HTATSF1: variants seen among roughly 807,000 people sequenced by gnomAD.
HTATSF1 encodes 17S U2 SnRNP complex component HTATSF1.
In HTATSF1, 6 loss-of-function variants were observed where a neutral mutation model predicts 46.1. The ratio of observed to expected loss-of-function variants is 0.13; its 90% CI spans 0.07 to 0.26. The LOEUF is 0.26. Ranked by LOEUF, HTATSF1 falls within the 10% of genes least tolerant of loss-of-function variation. The pLI is 1.00. For synonymous variants in HTATSF1, 226 were observed against 211.5 expected (o/e 1.07, Z -0.60); for missense variants, 452 against 559.9 (o/e 0.81, Z 1.94).
At position 136,509,130 on chromosome X, in the gene HTATSF1, C is replaced by G; in HGVS notation, c.874C>G (p.Arg292Gly). The change falls in exon 7 of 9, where the codon CGA becomes GGA. Residue 292 changes from arginine to glycine, a missense_variant. By Grantham distance (125) the Arg-to-Gly change is moderately radical (BLOSUM62 -2). This residue lies in a region of HTATSF1 where 117 missense variants were observed against 222.2 expected (regional missense o/e 0.53). Transcript: ENST00000218364. Reference protein sequence around the residue: ...LVLNEIREDLRVECSKFGQIR... With the variant: ...LVLNEIREDLGVECSKFGQIR... ...GCTGAATGAGATCAGAGAAGACCTT[C>G]GAGTAGAGTGTTCGAAGTTTGGACA... 1 of 1,208,496 alleles carries G rather than the reference C, an allele frequency of 8.3e-7. No homozygotes were observed. The highest frequency in any genetic ancestry group is 1.1e-6 in the Non-Finnish European group (1 of 892,741).
rs2075768211 is a variant in HTATSF1 at position 136,511,547 on chromosome X, A to C, written c.1802A>C (p.Glu601Ala). Reference protein sequence around the residue: ...ELEENDSENSEFEDDGSEKVL... With the variant: ...ELEENDSENSAFEDDGSEKVL... ...GAAGAAAATGACTCTGAAAACTCCG[A>C]ATTTGAAGATGACGGCTCTGAAAAA... Residue 601 changes from glutamate (E) to alanine (A), a missense_variant, in exon 9 of 9, where the codon GAA (glutamate) becomes GCA (alanine). Glu to Ala is a moderately radical substitution (Grantham distance 107, BLOSUM62 -1). Transcript: ENST00000218364. 1 of 1,209,485 alleles carries C rather than the reference A, an allele frequency of 8.3e-7. No individual in the cohort carries two copies. Among genetic ancestry groups the C allele is most frequent in the Non-Finnish European group, 1.1e-6 (1 of 895,025 alleles).
At chrX:136,503,087 T>A in intron 5 of HTATSF1, 146 bp downstream of exon 5, 1 of 322,981 alleles carries the variant, frequency 3.1e-6, no homozygotes. Flanking sequence ...TAGCAATCTA[T>A]ACAATAGGTT....
intron 8 of HTATSF1, 152 bp downstream of exon 8, chrX:136,510,371 TTCC>T: frequency 2.9e-6 from 1 of 350,499 alleles, no homozygotes; most frequent in East Asian, 5.2e-5. Context: ...TTTTTTACTC[TTCC>T]TCTTAATTAT....
intron 5 of HTATSF1, among the ~76,000 whole-genome samples, chrX:136,504,095 T>C (rs776285581): frequency 8.1e-5 from 9 of 111,429 alleles, no homozygotes; most frequent in Admixed American, 4.8e-4. Flanking sequence ...GGTCTTGAAC[T>C]CCTGGCCTCA....
At chrX:136,501,782 G>A (rs759082402) in intron 4 of HTATSF1, among the ~76,000 whole-genome samples, 120 of 112,029 alleles carry the variant, frequency 1.1e-3, no homozygotes, top group African/African-American at 3.4e-3. Context: ...AATCTTAAAC[G>A]TGATGGTTAT....
intron 8 of HTATSF1, 73 bp downstream of exon 8, chrX:136,510,292 T>A (rs1259691872): frequency 9.8e-7 from 1 of 1,020,185 alleles, no homozygotes; most frequent in Admixed American, 2.7e-5. Context: ...CAGATCTAAA[T>A]TTTGGGTTTG....
In HTATSF1 at chrX:136,512,043, C is replaced by T. The variant is rs773741229; in HGVS notation, c.*30C>T. 6.0e-6 allele frequency: 7 copies of T among 1,166,227 alleles called. No individual in the cohort carries two copies. Among genetic ancestry groups the T allele is most frequent in the Non-Finnish European group, 8.0e-6 (7 of 871,583 alleles). On this transcript the variant is annotated 3_prime_UTR_variant, in exon 9 of 9. Coordinates refer to ENST00000218364, the MANE Select transcript of HTATSF1 (RefSeq NM_014500.5). ...TTAAACTTGCTTTTTAGGGAGAGTC[C>T]TCCATCTACATTTGCCTGTGCTTCA... is the stretch of plus-strand genomic sequence containing the variant.
At chrX:136,497,958 C>A in intron 1 of HTATSF1, 88 bp downstream of exon 1, 1 of 673,029 alleles carries the variant, frequency 1.5e-6, no homozygotes, top group African/African-American at 2.2e-5. Flanking sequence ...TGCTGAGATC[C>A]TTGGTCCTTG....
intron 6 of HTATSF1, among the ~76,000 whole-genome samples, chrX:136,505,658 G>A (rs2148521863): frequency 9.0e-6 from 1 of 111,698 alleles, no homozygotes; most frequent in East Asian, 2.8e-4. Flanking sequence ...TGGGCATGGT[G>A]GCGCATACCT....
At position 136,511,260 on chromosome X, in the gene HTATSF1, G is replaced by A; in HGVS notation, c.1515G>A (p.Lys505=). 8.3e-7 allele frequency: 1 copy of A among 1,209,256 alleles called. No individual in the cohort carries two copies. Among genetic ancestry groups the A allele is most frequent in the Non-Finnish European group, 1.1e-6 (1 of 894,843 alleles). Residue 505 remains lysine (K), a synonymous_variant, in exon 9 of 9, where the codon AAG becomes AAA. Transcript: ENST00000218364. ...EEDSPKKESK[K]KTLKNDCEEN... is the part of the protein sequence containing the mutation. ...ATAGTCCTAAAAAAGAGTCTAAAAA[G>A]AAGACACTCAAAAATGATTGTGAAG...
chrX:136,508,378 G>C (rs1156878161), intron 6 of HTATSF1, among the ~76,000 whole-genome samples: 1 of 111,989 alleles, frequency 8.9e-6, no homozygotes. Flanking sequence ...AATTCCCAGA[G>C]GGAATCTTAA....
chrX:136,510,720 T>G, intron 8 of HTATSF1, 88 bp from the exon 9 acceptor site: 2 of 963,795 alleles, frequency 2.1e-6, no homozygotes, highest in Non-Finnish European at 2.8e-6. Flanking sequence ...TTTATAAAAT[T>G]AAGGTTGTTT....
rs866919821 is a variant in HTATSF1, at chrX:136,504,271, C to A, written c.735-93C>A. ...CCAGTAATTATCTTTATTAAATACT[C>A]AGTAAAGTATTGTATGAACAACTCA... On this transcript the variant is annotated intron_variant, in intron 5 of 8. Transcript: ENST00000218364. 4.0e-5 allele frequency: 21 copies of A among 520,868 alleles called. No individual in the cohort carries two copies. In the Middle Eastern group the frequency reaches 1.8e-3, roughly 45 times the overall value. The allele number at this position is 520,868 out of a possible 1,213,427, so 42.9% of individuals were successfully genotyped here.
At chrX:136,504,543 A>G (rs2075733459) in intron 6 of HTATSF1, 80 bp downstream of exon 6, 1 of 705,701 alleles carries the variant, frequency 1.4e-6, no homozygotes. Context: ...GCCTCGCCTC[A>G]TCTTTGTCTT....
chrX:136,505,757 A>T (rs1413745572), intron 6 of HTATSF1, among the ~76,000 whole-genome samples: 1 of 111,486 alleles, frequency 9.0e-6, no homozygotes, highest in African/African-American at 3.3e-5. Flanking sequence ...ACTGCACTCC[A>T]GCCTGGGCAA....
At chrX:136,500,887 T>G in intron 4 of HTATSF1, 69 bp downstream of exon 4, 5 of 761,086 alleles carry the variant, frequency 6.6e-6, no homozygotes, top group South Asian at 4.1e-5. Context: ...CTATAATTTC[T>G]ATAGATGATA....
chrX:136,499,583 G>T lies in HTATSF1; in HGVS notation c.187-15G>T. Reference sequence around the variant, plus strand: ...TTGAATTTCTCTGTCCGGGTCTGTTGAATTGCTTGTGTAGATTACTGAAGA... The same window carrying T: ...TTGAATTTCTCTGTCCGGGTCTGTTTAATTGCTTGTGTAGATTACTGAAGA... On this transcript the variant is annotated splice_polypyrimidine_tract_variant and intron_variant, in intron 1 of 8. Coordinates refer to ENST00000218364, the MANE Select transcript of HTATSF1 (RefSeq NM_014500.5). 8.8e-7 allele frequency: 1 copy of T among 1,140,227 alleles called. No homozygotes were observed. The highest frequency in any genetic ancestry group is 2.2e-5 in the South Asian group (1 of 46,489). The allele number at this position is 1,140,227 out of a possible 1,213,427, so 94.0% of individuals were successfully genotyped here. A position where few individuals can be genotyped will look rare whatever the true frequency, so the allele number is the denominator to read the frequency against.
At chrX:136,501,532 G>A (rs1242591483) in intron 4 of HTATSF1, among the ~76,000 whole-genome samples, 1 of 112,477 alleles carries the variant, frequency 8.9e-6, no homozygotes, top group Non-Finnish European at 1.9e-5. Flanking sequence ...AATGCCAGAG[G>A]CAGCCATCAT....
chrX:136,508,679 C>T (rs1333534043), intron 6 of HTATSF1, among the ~76,000 whole-genome samples: 5 of 112,572 alleles, frequency 4.4e-5, no homozygotes, highest in African/African-American at 1.3e-4. Context: ...TGCTCTCTCT[C>T]TCTCCATTAC....
Sources: allele counts gnomAD v4.1 joint callset (sites outside exome capture counted in the v4.1 genomes callset), GRCh38; gene constraint gnomAD v4.1.1; regional missense constraint gnomAD v4.1.1; transcripts MANE v1.5; gene names NCBI Gene and HGNC (gene_info 2026-07-23, HGNC 2026-07-21).